The following PRKN variants were observed in gnomAD, a reference collection of about 807,000 sequenced individuals.
PRKN encodes E3 ubiquitin-protein ligase parkin.
Under a neutral mutation model 59.5 loss-of-function variants are expected in PRKN, and 56 were observed. That is an observed-to-expected ratio of 0.94 (90% CI 0.76 to 1.18). The LOEUF (loss-of-function observed/expected upper bound fraction) is 1.18, where lower values mean the gene tolerates loss of function less well. Ranked by LOEUF, PRKN falls within the 50% of genes most tolerant of loss-of-function variation. The pLI is 0.00. For synonymous variants in PRKN, 250 were observed against 222.1 expected (o/e 1.13, Z -1.12); for missense variants, 657 against 596.4 (o/e 1.10, Z -1.06).
At chr6:161,795,822 A>G (rs531133253) in intron 6 of PRKN, among the ~76,000 whole-genome samples, 86 of 152,168 alleles carry the variant, frequency 5.7e-4, no homozygotes, top group Non-Finnish European at 1.0e-3. Context: ...AGTTAGCCTG[A>G]CCAAGAAACT....
At chr6:162,364,005 T>G (rs1435868792) in intron 2 of PRKN, among the ~76,000 whole-genome samples, 1 of 152,178 alleles carries the variant, frequency 6.6e-6, no homozygotes, top group Non-Finnish European at 1.5e-5. Flanking sequence ...GCCAATTGCT[T>G]CATTCCCTGC....
At chr6:162,198,609 T>C (rs1443773159) in intron 4 of PRKN, among the ~76,000 whole-genome samples, 1 of 152,118 alleles carries the variant, frequency 6.6e-6, no homozygotes, top group Non-Finnish European at 1.5e-5. Flanking sequence ...GATACTATTG[T>C]ACCATTGAAT....
intron 6 of PRKN, among the ~76,000 whole-genome samples, chr6:161,804,314 C>T (rs1791216843): frequency 6.6e-6 from 1 of 152,296 alleles, no homozygotes; most frequent in Non-Finnish European, 1.5e-5. Context: ...TGGTGATGAG[C>T]AGTGTGGACA....
rs1209177701 is a variant in PRKN at position 161,399,238 on chromosome 6, A to C, written c.1084-12361T>G. 6.6e-6 allele frequency among the ~76,000 whole-genome samples: 1 copy of C among 152,146 alleles called. No homozygotes were observed. The highest frequency in any genetic ancestry group is 2.4e-5 in the African/African-American group (1 of 41,420). On this transcript the variant is annotated intron_variant, in intron 9 of 11. Transcript: ENST00000366898. The surrounding 1 kb of genome is among the most constrained non-coding windows in gnomAD (Gnocchi z 4.4). ...CATCCACCACTCAATAAAACCCTGC[A>C]GTCACCATCCTTCAAGTCCATGGGT...
chr6:161,491,769 T>C (rs1777567548), intron 9 of PRKN, among the ~76,000 whole-genome samples: 1 of 152,110 alleles, frequency 6.6e-6, no homozygotes, highest in African/African-American at 2.4e-5. Flanking sequence ...TAGCTGGGAT[T>C]ACAGGTGCCT....
At chr6:162,699,296 A>T (rs899301174) in intron 1 of PRKN, among the ~76,000 whole-genome samples, 10 of 152,234 alleles carry the variant, frequency 6.6e-5, no homozygotes, top group Non-Finnish European at 1.3e-4. Flanking sequence ...AGAAAAAATT[A>T]ATCCAAATCA....
At chr6:162,096,734 G>C (rs909557290) in intron 4 of PRKN, among the ~76,000 whole-genome samples, 1 of 150,872 alleles carries the variant, frequency 6.6e-6, no homozygotes, top group South Asian at 2.1e-4. Flanking sequence ...CCATGATTGG[G>C]AGGCCTCCCA....
chr6:162,476,474 T>C (rs1792023040), intron 1 of PRKN, among the ~76,000 whole-genome samples: 2 of 152,210 alleles, frequency 1.3e-5, no homozygotes, highest in African/African-American at 4.8e-5. Context: ...TCATAAACTG[T>C]GTAAATTCAT....
rs1487103965 is a variant in PRKN at position 161,352,561 on chromosome 6, TATC to T, written c.1286-2353_1286-2351del. Among the ~76,000 whole-genome samples the T allele has an allele frequency of 6.6e-6, 1 of 151,626 alleles. No individual in the cohort carries two copies. The highest frequency in any genetic ancestry group is 1.5e-5 in the Non-Finnish European group (1 of 67,884). On this transcript the variant is annotated intron_variant, in intron 11 of 11. Transcript: ENST00000366898. The surrounding 1 kb of genome is among the most constrained non-coding windows in gnomAD (Gnocchi z 5.8). ...TAAATATTTTATCATATCATAAATA[TATC>T]ATTATTATATCATGTATCGTAAAAT...
intron 7 of PRKN, among the ~76,000 whole-genome samples, chr6:161,682,733 G>A (rs1432695229): frequency 1.3e-5 from 2 of 152,126 alleles, no homozygotes; most frequent in African/African-American, 4.8e-5. Context: ...GGAGCAGAGG[G>A]CCGCTCTGCA....
chr6:161,792,192 G>T (rs1334655650), intron 6 of PRKN, among the ~76,000 whole-genome samples: 1 of 152,228 alleles, frequency 6.6e-6, no homozygotes, highest in Non-Finnish European at 1.5e-5. Context: ...CTGACCTGCT[G>T]AAACTGTGAG....
rs1562458779 is a variant in PRKN, at chr6:162,011,368, ATAATATAT to A, written c.619-37959_619-37952del. The stretch of plus-strand genomic sequence containing the variant: ...ATTATAATATATATTTATAATATAT[ATAATATAT>A]TATATATTTATAATATATATTATAA... On this transcript the variant is annotated intron_variant, in intron 5 of 11. Coordinates refer to ENST00000366898, the MANE Select transcript of PRKN (RefSeq NM_004562.3). Among the ~76,000 whole-genome samples, 5 of 32,950 alleles carry A rather than the reference ATAATATAT, an allele frequency of 1.5e-4. 1 individual carries two copies. Among genetic ancestry groups the A allele is most frequent in the African/African-American group, 5.1e-4 (3 of 5,846 alleles). The allele number at this position is 32,950 out of a possible 152,430, so 21.6% of individuals were successfully genotyped here.
chr6:162,725,791 G>A (rs1779142106), intron 1 of PRKN, among the ~76,000 whole-genome samples: 2 of 150,420 alleles, frequency 1.3e-5, no homozygotes, highest in South Asian at 2.1e-4. Flanking sequence ...AAAAAAAGAC[G>A]TGTGTCTAAT....
At chr6:162,588,920 C>T (rs113859172) in intron 1 of PRKN, among the ~76,000 whole-genome samples, 1,579 of 152,214 alleles carry the variant, frequency 0.01, 26 homozygotes, top group African/African-American at 0.036. Flanking sequence ...ACCTGGCACA[C>T]GGTGGGTGCG....
At chr6:161,930,746 G>A (rs191226308) in intron 6 of PRKN, among the ~76,000 whole-genome samples, 1 of 152,300 alleles carries the variant, frequency 6.6e-6, no homozygotes, top group East Asian at 1.9e-4. Context: ...GATATGATGA[G>A]GATCCTGAAT....
intron 3 of PRKN, among the ~76,000 whole-genome samples, chr6:162,255,621 C>A (rs6934605): frequency 6.6e-6 from 1 of 151,960 alleles, no homozygotes; most frequent in South Asian, 2.1e-4. Flanking sequence ...AAAGTAAATT[C>A]TCCGAGTCCT....
At position 161,423,043 on chromosome 6, in the gene PRKN, A is replaced by G. The variant is rs1472031252; in HGVS notation, c.1084-36166T>C. Among the ~76,000 whole-genome samples the G allele has an allele frequency of 6.6e-6, 1 of 152,208 alleles. No homozygotes were observed. Among genetic ancestry groups the G allele is most frequent in the Admixed American group, 6.5e-5 (1 of 15,288 alleles). On this transcript the variant is annotated intron_variant, in intron 9 of 11. Coordinates refer to ENST00000366898, the MANE Select transcript of PRKN (RefSeq NM_004562.3). The surrounding 1 kb of genome is among the most constrained non-coding windows in gnomAD (Gnocchi z 5.9). ...ATTTATATTTCCTATAAATCCATTT[A>G]CATGTCAGTATCGTAGTGAGAAATG...
rs1781126824 is a variant in PRKN, at chr6:161,576,280, A to T, written c.872-6864T>A. 6.6e-6 allele frequency among the ~76,000 whole-genome samples: 1 copy of T among 152,224 alleles called. No individual in the cohort carries two copies. Among genetic ancestry groups the T allele is most frequent in the Non-Finnish European group, 1.5e-5 (1 of 68,038 alleles). On this transcript the variant is annotated intron_variant, in intron 7 of 11. Coordinates refer to ENST00000366898, the MANE Select transcript of PRKN (RefSeq NM_004562.3). The surrounding 1 kb of genome is among the most constrained non-coding windows in gnomAD (Gnocchi z 4.6). ...GATGGGTTTTTATTTATAAAGGATT[A>T]TTCATGCATTCTTTCTCCGTAGCCA...
At chr6:162,326,445 T>TA (rs1297331248) in intron 2 of PRKN, among the ~76,000 whole-genome samples, 4 of 152,170 alleles carry the variant, frequency 2.6e-5, no homozygotes, top group Non-Finnish European at 5.9e-5. Flanking sequence ...ACCTCTTTAA[T>TA]ATTTGCACAA....
Sources: gnomAD v4.1 joint callset for allele counts (sites outside exome capture counted in the v4.1 genomes callset) on GRCh38, gnomAD v4.1.1 for gene constraint, Gnocchi (gnomAD v3.1) non-coding constraint, MANE v1.5 for transcripts, NCBI Gene and HGNC (gene_info 2026-07-23, HGNC 2026-07-21) for gene names.